KCNU1: variants seen among roughly 807,000 people sequenced by gnomAD.
The protein encoded by KCNU1 is potassium calcium-activated channel subfamily U member 1, also known as potassium channel subfamily U member 1.
Under a neutral mutation model 126.8 loss-of-function variants are expected in KCNU1, and 93 were observed. The observed-to-expected ratio is 0.73, with a 90% CI of 0.62 to 0.87. KCNU1 has a LOEUF of 0.87. KCNU1 is among the 40% of genes least tolerant of loss of function. The pLI is 0.00. For missense variants in KCNU1, 1,330 were observed against 1,367.1 expected (o/e 0.97, Z 0.43); for synonymous variants, 523 against 494.2 (o/e 1.06, Z -0.77).
chr8:36,800,612 C>G (rs1803268085), intron 2 of KCNU1, among the ~76,000 whole-genome samples: 1 of 152,226 alleles, frequency 6.6e-6, no homozygotes, highest in Non-Finnish European at 1.5e-5. Context: ...CCATGGCCTC[C>G]ATGGCTCAGG....
chr8:36,849,769 T>C (rs929088432), intron 18 of KCNU1, among the ~76,000 whole-genome samples: 1 of 152,350 alleles, frequency 6.6e-6, no homozygotes, highest in East Asian at 1.9e-4. Flanking sequence ...ATATTGTATA[T>C]AATGCTGCTA....
chr8:36,852,065 G>T (rs566776679), intron 18 of KCNU1, among the ~76,000 whole-genome samples: 2 of 152,062 alleles, frequency 1.3e-5, no homozygotes, highest in East Asian at 3.9e-4. Context: ...TTCCTATATT[G>T]TCAAGGTTTT....
chr8:36,913,662 T>TG (rs1807978666), intron 22 of KCNU1, among the ~76,000 whole-genome samples: 1 of 149,550 alleles, frequency 6.7e-6, no homozygotes, highest in South Asian at 2.1e-4. Context: ...AGTGCGGTGG[T>TG]GCGATCTTGG....
rs1806025573 is a variant in KCNU1 at position 36,869,461 on chromosome 8, T to C, written c.2009+4940T>C. Among the ~76,000 whole-genome samples, 4 of 152,152 alleles carry C rather than the reference T, an allele frequency of 2.6e-5. No individual in the cohort carries two copies. The South Asian group carries it at 8.3e-4, about 32-fold the overall frequency. ...ATGAGATCACATTTATAATATCAAC[T>C]TCATCTCCATCCTCTTTATGTTCTT... On this transcript the variant is annotated intron_variant, in intron 19 of 26. Transcript: ENST00000399881.
chr8:36,911,495 G>GGATCTTATA (rs1411283500), intron 22 of KCNU1, among the ~76,000 whole-genome samples: 1 of 152,062 alleles, frequency 6.6e-6, no homozygotes, highest in Non-Finnish European at 1.5e-5. Flanking sequence ...AATTCTCATT[G>GGATCTTATA]GATCTTATAG....
chr8:36,836,830 C>A lies in KCNU1; in HGVS notation c.1403C>A (p.Thr468Asn). 2 of 1,613,780 alleles carry A rather than the reference C, an allele frequency of 1.2e-6. No individual in the cohort carries two copies. The highest frequency in any genetic ancestry group is 1.1e-5 in the South Asian group (1 of 91,070). ...LPKIPSWNWDTGDNIICFAEL... is the reference protein window; with the variant it reads ...LPKIPSWNWDNGDNIICFAEL... ...AAGATTCCCAGCTGGAACTGGGACA[C>A]CGGAGACAACATCATCTGCTTTGCT... The change falls in exon 14 of 27, where the codon ACC (threonine) becomes AAC (asparagine). Residue 468 changes from threonine to asparagine, a missense_variant. Thr to Asn is a moderately conservative substitution (Grantham distance 65). Transcript: ENST00000399881.
chr8:36,882,474 C>T lies in KCNU1; in HGVS notation c.2009+17953C>T, dbSNP rs534005758. Among the ~76,000 whole-genome samples, 13 of 152,332 alleles carry T rather than the reference C, an allele frequency of 8.5e-5. No individual in the cohort carries two copies. In the East Asian group the frequency reaches 2.5e-3, roughly 29 times the overall value. On this transcript the variant is annotated intron_variant, in intron 19 of 26. Transcript: ENST00000399881. The stretch of plus-strand genomic sequence containing the variant: ...TTCCTGTGAGAGATACCTCTTGCCC[C>T]TTCTCTGCCTCTTTTTTCTCATTGC...
chr8:36,791,389 T>G (rs2130340965), intron 2 of KCNU1, among the ~76,000 whole-genome samples: 1 of 152,336 alleles, frequency 6.6e-6, no homozygotes, highest in Non-Finnish European at 1.5e-5. Context: ...ATGGCTTATT[T>G]TTAGCAAATG....
intron 24 of KCNU1, among the ~76,000 whole-genome samples, chr8:36,929,403 AAAAAG>A (rs1359771562): frequency 7.0e-6 from 1 of 143,104 alleles, no homozygotes; most frequent in East Asian, 2.1e-4. Flanking sequence ...AAAAAAAAAA[AAAAAG>A]AACAAAAAAC....
intron 19 of KCNU1, among the ~76,000 whole-genome samples, chr8:36,890,719 G>T (rs1431740420): frequency 6.6e-6 from 1 of 151,828 alleles, no homozygotes; most frequent in East Asian, 1.9e-4. Flanking sequence ...AGTTGATAAA[G>T]AAACAAGATT....
intron 16 of KCNU1, among the ~76,000 whole-genome samples, chr8:36,844,522 T>G (rs1329324369): frequency 6.6e-6 from 1 of 152,226 alleles, no homozygotes; most frequent in African/African-American, 2.4e-5. Context: ...CTCATTAATA[T>G]AAGTCAGTAA....
intron 10 of KCNU1, among the ~76,000 whole-genome samples, chr8:36,825,780 T>C (rs1804295640): frequency 6.6e-6 from 1 of 152,154 alleles, no homozygotes; most frequent in Non-Finnish European, 1.5e-5. Context: ...AGATGTCTTT[T>C]TTTTTTTCAT....
chr8:36,844,724 T>C (rs990481529), intron 16 of KCNU1, among the ~76,000 whole-genome samples: 1 of 152,204 alleles, frequency 6.6e-6, no homozygotes, highest in Non-Finnish European at 1.5e-5. Context: ...AATTAAAACT[T>C]CATCTCATTT....
At chr8:36,784,687 C>A in intron 1 of KCNU1, 82 bp downstream of exon 1, 1 of 1,089,990 alleles carries the variant, frequency 9.2e-7, no homozygotes, top group Non-Finnish European at 1.3e-6. Flanking sequence ...AAGATCTAAG[C>A]TTCATTCAGT....
chr8:36,826,081 T>A (rs1804308988), intron 10 of KCNU1, among the ~76,000 whole-genome samples: 1 of 152,068 alleles, frequency 6.6e-6, no homozygotes, highest in Non-Finnish European at 1.5e-5. Context: ...TTTCTTCAAA[T>A]GTTGCTTGTC....
chr8:36,785,580 T>A (rs1802684462), intron 1 of KCNU1, among the ~76,000 whole-genome samples: 1 of 152,230 alleles, frequency 6.6e-6, no homozygotes, highest in African/African-American at 2.4e-5. Flanking sequence ...TAGATTTTGT[T>A]CCTAAACAAG....
At chr8:36,917,777 C>T (rs543703045) in intron 22 of KCNU1, among the ~76,000 whole-genome samples, 12 of 152,020 alleles carry the variant, frequency 7.9e-5, no homozygotes, top group Non-Finnish European at 1.0e-4. Flanking sequence ...CTGTGCATGC[C>T]CTGTTTTGGG....
intron 10 of KCNU1, among the ~76,000 whole-genome samples, chr8:36,826,590 GT>G (rs1474309108): frequency 6.6e-5 from 10 of 152,048 alleles, no homozygotes; most frequent in South Asian, 6.2e-4. Flanking sequence ...TGGATAATTT[GT>G]TTTGACCTAG....
intron 9 of KCNU1, 134 bp downstream of exon 9, chr8:36,815,821 A>T (rs1485190472): frequency 1.7e-6 from 1 of 586,964 alleles, no homozygotes; most frequent in Non-Finnish European, 3.0e-6. Flanking sequence ...GTATTCACTA[A>T]AAAGGACTGT....
Sources: gnomAD v4.1 joint callset for allele counts (sites outside exome capture counted in the v4.1 genomes callset) on GRCh38, gnomAD v4.1.1 for gene constraint, MANE v1.5 for transcripts, NCBI Gene and HGNC (gene_info 2026-07-23, HGNC 2026-07-21) for gene names.